Variants in NXPE4 observed in about 807,000 individuals in gnomAD.
NXPE4 encodes NXPE family member 4.
Under a neutral mutation model 33.3 loss-of-function variants are expected in NXPE4, and 42 were observed. The observed-to-expected ratio is 1.26, with a 90% CI of 0.98 to 1.63. NXPE4 has a LOEUF of 1.63. Ranked by LOEUF, NXPE4 falls within the 40% of genes most tolerant of loss-of-function variation. The pLI is 0.00. For synonymous variants in NXPE4, 253 were observed against 234.9 expected (o/e 1.08, Z -0.71); for missense variants, 709 against 647.6 (o/e 1.09, Z -1.03).
intron 2 of NXPE4, among the ~76,000 whole-genome samples, chr11:114,586,437 A>G (rs1448786115): frequency 6.6e-6 from 1 of 152,156 alleles, no homozygotes; most frequent in Admixed American, 6.5e-5. Context: ...TCTGCTCTCC[A>G]TTTAAAAATC....
At chr11:114,626,425 T>A in the NXPE4 span, among the ~76,000 whole-genome samples, 1 of 152,086 alleles carries the variant, frequency 6.6e-6, no homozygotes. Context: ...GACTGACACC[T>A]CACGTGGCCG....
the NXPE4 span, among the ~76,000 whole-genome samples, chr11:114,646,280 C>T: frequency 4.2e-4 from 64 of 151,540 alleles, no homozygotes; most frequent in Admixed American, 4.1e-3. Flanking sequence ...TCTAGTTTTT[C>T]AAGAATTTTT....
At chr11:114,642,614 T>G in the NXPE4 span, among the ~76,000 whole-genome samples, 102 of 152,128 alleles carry the variant, frequency 6.7e-4, 1 homozygote, top group Non-Finnish European at 1.2e-3. Flanking sequence ...GATGGCTGCA[T>G]GGTATTCCAT....
rs1211666411 is a variant in NXPE4, at chr11:114,592,146, C to T, written c.96+2518G>A. 3.9e-5 allele frequency among the ~76,000 whole-genome samples: 6 copies of T among 152,034 alleles called. No individual in the cohort carries two copies. In the East Asian group the frequency reaches 1.2e-3, roughly 29 times the overall value. ...TTTGAACACTTTTTCCAGTTTTATTCAACATAGTATTGGAAGTCCTAGCCA... is the reference window on the plus strand; with the variant it reads ...TTTGAACACTTTTTCCAGTTTTATTTAACATAGTATTGGAAGTCCTAGCCA... On this transcript the variant is annotated intron_variant, in intron 2 of 5. Coordinates refer to ENST00000375478, the MANE Select transcript of NXPE4 (RefSeq NM_001077639.2).
At chr11:114,606,384 C>A in the NXPE4 span, among the ~76,000 whole-genome samples, 3 of 151,678 alleles carry the variant, frequency 2.0e-5, no homozygotes, top group African/African-American at 2.4e-5. Context: ...AGTGTTGCCT[C>A]ATGGGTAACC....
At chr11:114,639,193 C>G in the NXPE4 span, among the ~76,000 whole-genome samples, 1 of 152,028 alleles carries the variant, frequency 6.6e-6, no homozygotes, top group African/African-American at 2.4e-5. Context: ...CCCCCAGCCT[C>G]ACTGCCGCCT....
At chr11:114,625,736 G>A in the NXPE4 span, among the ~76,000 whole-genome samples, 2 of 152,156 alleles carry the variant, frequency 1.3e-5, no homozygotes, top group Admixed American at 6.5e-5. Flanking sequence ...CAGAAGGCAG[G>A]TGATTTCTGC....
chr11:114,671,454 T>G, the NXPE4 span, among the ~76,000 whole-genome samples: 1 of 151,924 alleles, frequency 6.6e-6, no homozygotes, highest in Non-Finnish European at 1.5e-5. Flanking sequence ...AAAGTACAAG[T>G]ACAATAGTGT....
chr11:114,630,518 C>T, the NXPE4 span, among the ~76,000 whole-genome samples: 5 of 151,290 alleles, frequency 3.3e-5, no homozygotes, highest in Admixed American at 2.0e-4. Context: ...ATACAAAAAT[C>T]AATTCAAGAT....
At chr11:114,664,913 G>A in the NXPE4 span, among the ~76,000 whole-genome samples, 1 of 152,142 alleles carries the variant, frequency 6.6e-6, no homozygotes, top group Non-Finnish European at 1.5e-5. Flanking sequence ...GCTAATGTAA[G>A]TGTTCAGAGC....
In NXPE4 at chr11:114,571,066, A is replaced by G. The variant is rs149400283; in HGVS notation, c.1507T>C (p.Phe503Leu). ...YIQYLIIKDI[F>L]QDLSVSIIDA... ...ATGATACTCACACTGAGATCCTGGA[A>G]AATGTCCTTTATGATGAGATATTGA... Residue 503 changes from phenylalanine (F) to leucine (L), a missense_variant, in exon 6 of 6, where the codon TTC (phenylalanine) becomes CTC (leucine). Physicochemically the swap from Phe to Leu is conservative, Grantham distance 22 (BLOSUM62 0). Coordinates refer to ENST00000375478, the MANE Select transcript of NXPE4 (RefSeq NM_001077639.2). The G allele has an allele frequency of 9.6e-5, 155 of 1,614,008 alleles. No individual in the cohort carries two copies. The African/African-American group carries it at 2.0e-3, about 21-fold the overall frequency.
chr11:114,639,505 G>A, the NXPE4 span, among the ~76,000 whole-genome samples: 1 of 151,334 alleles, frequency 6.6e-6, no homozygotes, highest in African/African-American at 2.4e-5. Flanking sequence ...GCACTCCCTA[G>A]TGAGATGAAC....
rs367730614 is a variant in NXPE4 at position 114,582,382 on chromosome 11, G to A, written c.736C>T (p.Pro246Ser). Residue 246 changes from proline to serine, a missense_variant, in exon 3 of 6, where the codon CCT (proline) becomes TCT (serine). Transcript: ENST00000375478. ...AGTGCAGCACAGGGCATGTGTTGAGGCCTCACACAGTAGAAGCCTTCTTGG... is the reference window on the plus strand; with the variant it reads ...AGTGCAGCACAGGGCATGTGTTGAGACCTCACACAGTAGAAGCCTTCTTGG... The part of the protein sequence containing the change: ...RDQEGFYCVR[P>S]QHMPCAALTH... 1 of 1,614,186 alleles carries A rather than the reference G, an allele frequency of 6.2e-7. No homozygotes were observed. Among genetic ancestry groups the A allele is most frequent in the Non-Finnish European group, 8.5e-7 (1 of 1,180,008 alleles).
the NXPE4 span, among the ~76,000 whole-genome samples, chr11:114,622,737 C>A: frequency 6.6e-6 from 1 of 151,272 alleles, no homozygotes; most frequent in East Asian, 2.0e-4. Flanking sequence ...CGTGTGTAAC[C>A]ACTGTTACCC....
chr11:114,599,848 A>C (rs1949617998), upstream of NXPE4, among the ~76,000 whole-genome samples: 1 of 152,154 alleles, frequency 6.6e-6, no homozygotes, highest in African/African-American at 2.4e-5. Context: ...CAGCTCCAAC[A>C]CTGGGGATTA....
the NXPE4 span, among the ~76,000 whole-genome samples, chr11:114,614,059 T>C: frequency 5.3e-5 from 8 of 151,698 alleles, no homozygotes; most frequent in South Asian, 1.0e-3. Context: ...GAATAATAAG[T>C]GTCGCCTCAT....
At chr11:114,635,852 C>T in the NXPE4 span, among the ~76,000 whole-genome samples, 1 of 152,054 alleles carries the variant, frequency 6.6e-6, no homozygotes, top group Non-Finnish European at 1.5e-5. Context: ...TGATGTGTTG[C>T]TGTATTCGGT....
At chr11:114,641,194 A>G in the NXPE4 span, among the ~76,000 whole-genome samples, 4 of 152,020 alleles carry the variant, frequency 2.6e-5, no homozygotes, top group African/African-American at 9.7e-5. Context: ...AGAAATAATC[A>G]AGAAGGAATA....
the NXPE4 span, among the ~76,000 whole-genome samples, chr11:114,613,201 C>A: frequency 6.6e-6 from 1 of 151,854 alleles, no homozygotes; most frequent in Non-Finnish European, 1.5e-5. Context: ...ACCACTGTTA[C>A]CTGGTGGATA....
Sources: gnomAD v4.1 joint callset for allele counts (sites outside exome capture counted in the v4.1 genomes callset) on GRCh38, gnomAD v4.1.1 for gene constraint, MANE v1.5 for transcripts, NCBI Gene and HGNC (gene_info 2026-07-23, HGNC 2026-07-21) for gene names.